Variants in PPP2R2B observed in about 807,000 individuals in gnomAD.
The protein encoded by PPP2R2B is serine/threonine-protein phosphatase 2A 55 kDa regulatory subunit B beta isoform.
A neutral mutation model predicts 46.0 loss-of-function variants in PPP2R2B; 5 were observed. The ratio of observed to expected loss-of-function variants is 0.11; its 90% CI spans 0.06 to 0.23. The LOEUF is 0.23. Ranked by LOEUF, PPP2R2B falls within the 10% of genes least tolerant of loss-of-function variation. PPP2R2B has a pLI of 1.00. For missense variants in PPP2R2B, 367 were observed against 575.0 expected (o/e 0.64, Z 3.70); for synonymous variants, 215 against 206.7 (o/e 1.04, Z -0.34).
At chr5:146,837,260 T>G (rs1354202775) in intron 2 of PPP2R2B, among the ~76,000 whole-genome samples, 1 of 152,208 alleles carries the variant, frequency 6.6e-6, no homozygotes, top group Non-Finnish European at 1.5e-5. Context: ...ATGAGATGAT[T>G]TTGTAGTAGA....
At chr5:147,036,175 C>A (rs894677547) in intron 1 of PPP2R2B, among the ~76,000 whole-genome samples, 2 of 152,170 alleles carry the variant, frequency 1.3e-5, no homozygotes, top group Non-Finnish European at 2.9e-5. Flanking sequence ...CCACCCTCCA[C>A]CTTCCAACAG....
At chr5:146,739,076 G>A (rs550001154) in intron 2 of PPP2R2B, among the ~76,000 whole-genome samples, 2 of 152,080 alleles carry the variant, frequency 1.3e-5, no homozygotes, top group Non-Finnish European at 2.9e-5. Context: ...CTGGAGTGTA[G>A]TGGTGTGATC....
At chr5:147,038,983 C>A (rs1488810223) in intron 1 of PPP2R2B, among the ~76,000 whole-genome samples, 2 of 152,184 alleles carry the variant, frequency 1.3e-5, no homozygotes, top group East Asian at 1.9e-4. Flanking sequence ...CAACTGCAAC[C>A]CCCACCATGA....
At chr5:146,897,854 A>G (rs1762696902) in intron 1 of PPP2R2B, among the ~76,000 whole-genome samples, 2 of 152,228 alleles carry the variant, frequency 1.3e-5, no homozygotes, top group Admixed American at 1.3e-4. Context: ...TTATTTTTAA[A>G]TTATTAGAAG....
chr5:146,810,256 T>C (rs1000341147), intron 2 of PPP2R2B, among the ~76,000 whole-genome samples: 5 of 152,170 alleles, frequency 3.3e-5, no homozygotes, highest in Admixed American at 6.5e-5. Flanking sequence ...CAGTTCCATG[T>C]GGCTGGGGAG....
chr5:146,603,865 T>A (rs1238535106), intron 7 of PPP2R2B, among the ~76,000 whole-genome samples: 1 of 152,204 alleles, frequency 6.6e-6, no homozygotes, highest in Non-Finnish European at 1.5e-5. Flanking sequence ...GAGATAGAGC[T>A]GCATTTTGAA....
chr5:146,934,041 A>G (rs994033767), intron 1 of PPP2R2B, among the ~76,000 whole-genome samples: 2 of 152,050 alleles, frequency 1.3e-5, no homozygotes, highest in African/African-American at 2.4e-5. Context: ...ATAGTATTCC[A>G]TGGTGTATAT....
chr5:146,621,357 G>T (rs1417266497), intron 7 of PPP2R2B, among the ~76,000 whole-genome samples: 1 of 152,184 alleles, frequency 6.6e-6, no homozygotes, highest in Non-Finnish European at 1.5e-5. Context: ...TTGGTCACAG[G>T]CTAAGAAGAG....
chr5:146,937,147 C>G (rs1764176447), intron 1 of PPP2R2B, among the ~76,000 whole-genome samples: 1 of 151,926 alleles, frequency 6.6e-6, no homozygotes, highest in Non-Finnish European at 1.5e-5. Context: ...ACTAAAAATA[C>G]AAAATTAGCT....
In PPP2R2B at chr5:146,754,371, G is replaced by A. The variant is rs560791548; in HGVS notation, c.71-53229C>T. Among the ~76,000 whole-genome samples, 4 of 152,306 alleles carry A rather than the reference G, an allele frequency of 2.6e-5. No individual in the cohort carries two copies. In the South Asian group the frequency reaches 8.3e-4, roughly 32 times the overall value. On this transcript the variant is annotated intron_variant, in intron 2 of 9. Transcript: ENST00000394411. ...GAATGATTAAATAGGTAGTGGAATA[G>A]CATGCAGCAACTAAAGAGAATGAAG...
rs139480180 is a variant in PPP2R2B at position 146,987,120 on chromosome 5, GA to G, written c.79+68544del. Among the ~76,000 whole-genome samples the G allele has an allele frequency of 8.5e-3, 1,293 of 152,226 alleles. 25 individuals are homozygous for G. Among genetic ancestry groups the G allele is most frequent in the African/African-American group, 0.029 (1,216 of 41,556 alleles). ...GAAATGATATATTCAAAATGATTTA[GA>G]AAAGCCCAACAACTGAGAATACTAT... On this transcript the variant is annotated intron_variant, in intron 1 of 8. Coordinates refer to the PPP2R2B transcript ENST00000336640.
chr5:146,976,598 A>C (rs1259004953), intron 1 of PPP2R2B, among the ~76,000 whole-genome samples: 1 of 152,164 alleles, frequency 6.6e-6, no homozygotes, highest in East Asian at 1.9e-4. Flanking sequence ...TCTTTCTATC[A>C]ATTTGTAACA....
rs1754771030 is a variant in PPP2R2B, at chr5:147,012,198, C to A, written c.79+43467G>T. 1.3e-5 allele frequency among the ~76,000 whole-genome samples: 2 copies of A among 152,104 alleles called. 1 individual carries two copies. Among genetic ancestry groups the A allele is most frequent in the South Asian group, 4.2e-4 (2 of 4,810 alleles). On this transcript the variant is annotated intron_variant, in intron 1 of 8. Transcript: ENST00000336640. ...CTCTGGTAGAATTCAGCTGTGAATT[C>A]ATCTGGTCCTGGACTCTTTTTGGTT...
At chr5:146,662,094 T>C (rs765309492) in intron 5 of PPP2R2B, among the ~76,000 whole-genome samples, 8 of 152,206 alleles carry the variant, frequency 5.3e-5, no homozygotes, top group Non-Finnish European at 1.2e-4. Flanking sequence ...GAATCTTTGA[T>C]CACCGAGGAT....
In PPP2R2B at chr5:146,827,860, G is replaced by C. The variant is rs114326457; in HGVS notation, c.70+50142C>G. Among the ~76,000 whole-genome samples the C allele has an allele frequency of 3.8e-3, 585 of 152,260 alleles. 3 individuals carry two copies. Among genetic ancestry groups the C allele is most frequent in the African/African-American group, 0.013 (557 of 41,540 alleles). On this transcript the variant is annotated intron_variant, in intron 2 of 9. Transcript: ENST00000394411. ...GGAAGGAAAGGGGATCATGGAGAAA[G>C]AGGGCCCAGAAATAGACATTAAGCC... is the stretch of plus-strand genomic sequence containing the variant.
At chr5:146,737,966 G>A (rs1285432976) in intron 2 of PPP2R2B, among the ~76,000 whole-genome samples, 3 of 151,366 alleles carry the variant, frequency 2.0e-5, no homozygotes, top group Non-Finnish European at 2.9e-5. Context: ...CAAAAAAAAC[G>A]TTGTTAGAAA....
intron 2 of PPP2R2B, among the ~76,000 whole-genome samples, chr5:146,802,751 A>G (rs117748543): frequency 1.3e-5 from 2 of 152,274 alleles, no homozygotes; most frequent in East Asian, 1.9e-4. Flanking sequence ...TGGGGATGGG[A>G]TAAGTATATA....
At chr5:146,766,962 G>A (rs539074866) in intron 2 of PPP2R2B, among the ~76,000 whole-genome samples, 48 of 146,062 alleles carry the variant, frequency 3.3e-4, no homozygotes, top group African/African-American at 1.0e-3. Context: ...GCTGAGGCAG[G>A]AGAATCACTT....
chr5:146,914,429 T>C (rs960358204), intron 1 of PPP2R2B: 7 of 152,188 alleles, frequency 4.6e-5, no homozygotes, highest in African/African-American at 1.7e-4. Context: ...GGTACGTCAT[T>C]ACAACCTATG....
Sources: gnomAD v4.1 joint callset for allele counts (sites outside exome capture counted in the v4.1 genomes callset) on GRCh38, gnomAD v4.1.1 for gene constraint, MANE v1.5 for transcripts, NCBI Gene and HGNC (gene_info 2026-07-23, HGNC 2026-07-21) for gene names.